Variants in BSG observed in about 807,000 individuals in gnomAD.
BSG encodes basigin.
In BSG, 37 loss-of-function variants were observed where a neutral mutation model predicts 43.1. The observed-to-expected ratio is 0.86, with a 90% CI of 0.66 to 1.13. The LOEUF (loss-of-function observed/expected upper bound fraction) is 1.13, where lower values mean the gene tolerates loss of function less well. Among genes scored for constraint, BSG ranks in the 50% most tolerant of loss-of-function variants. The probability of loss-of-function intolerance (pLI) is 0.00; values close to 1 mark genes in which losing one functional copy is unlikely to be tolerated. For synonymous variants in BSG, 309 were observed against 238.7 expected (o/e 1.29, Z -2.72); for missense variants, 599 against 554.2 (o/e 1.08, Z -0.81).
intron 1 of BSG, among the ~76,000 whole-genome samples, chr19:575,673 C>T (rs1055411440): frequency 1.3e-4 from 19 of 150,982 alleles, no homozygotes; most frequent in Admixed American, 1.2e-3. Flanking sequence ...ACAAGTACCA[C>T]GCGGCCTGCC....
upstream of BSG, chr19:571,363 A>C (rs779268621): frequency 2.3e-5 from 14 of 603,016 alleles, no homozygotes; most frequent in Non-Finnish European, 4.1e-5. Context: ...TGCGACTCCG[A>C]GTTTAACTTC....
intron 7 of BSG, 26 bp downstream of exon 7, chr19:582,356 G>A: frequency 6.3e-7 from 1 of 1,596,372 alleles, no homozygotes; most frequent in Non-Finnish European, 8.5e-7. Context: ...GGGGGTCGGG[G>A]GTCCCAAGGA....
intron 1 of BSG, among the ~76,000 whole-genome samples, chr19:577,465 C>T (rs751915930): frequency 3.5e-4 from 53 of 152,182 alleles, no homozygotes; most frequent in Non-Finnish European, 6.8e-4. Context: ...TCTGGGCAGC[C>T]CTCGGGGCTC....
rs755563121 is a variant in BSG, at chr19:579,673, G to A, written c.572+17G>A. The stretch of plus-strand genomic sequence containing the variant: ...GGAGTTCAAGTGAGTGCCTGACCAC[G>A]CCATGCCGCCACCTGCCCCTTCTCA... On this transcript the variant is annotated intron_variant, in intron 3 of 8. Transcript: ENST00000333511. The A allele has an allele frequency of 2.9e-5, 46 of 1,589,286 alleles. No individual in the cohort carries two copies. Among genetic ancestry groups the A allele is most frequent in the Non-Finnish European group, 3.6e-5 (42 of 1,167,266 alleles).
At chr19:576,231 C>A (rs1981761419) in intron 1 of BSG, among the ~76,000 whole-genome samples, 1 of 152,198 alleles carries the variant, frequency 6.6e-6, no homozygotes. Context: ...GAGTCAGGGG[C>A]CAGCCCTCTC....
Position 580,463 on chromosome 19 carries a change from T to G in BSG, c.655+2T>G. On this transcript the variant is annotated splice_donor_variant, in intron 4 of 8. Transcript: ENST00000333511. LOFTEE classifies it high-confidence loss of function. Reference sequence around the variant, plus strand: ...GCACGGCCAACATCCAGCTCCACGGTGAGTCCTGCAGCCAGGGGTACCGGG... The same window carrying G: ...GCACGGCCAACATCCAGCTCCACGGGGAGTCCTGCAGCCAGGGGTACCGGG... 1 of 1,610,282 alleles carries G rather than the reference T, an allele frequency of 6.2e-7. No homozygotes were observed. The highest frequency in any genetic ancestry group is 8.5e-7 in the Non-Finnish European group (1 of 1,179,850).
chr19:577,934 G>T lies in BSG; in HGVS notation c.228G>T (p.Leu76=). Residue 76 remains leucine, a synonymous_variant, in exon 2 of 9, where the codon CTG becomes CTT. Coordinates refer to ENST00000333511, the MANE Select transcript of BSG (RefSeq NM_001728.4). ...TCSQLWDGAR[L]DRVHIHATYH... is the part of the protein sequence containing the mutation. ...CCCAGCTCTGGGACGGCGCCCGGCT[G>T]GACCGCGTCCACATCCACGCCACCT... The T allele has an allele frequency of 6.2e-7, 1 of 1,605,772 alleles. No individual in the cohort carries two copies. The highest frequency in any genetic ancestry group is 8.5e-7 in the Non-Finnish European group (1 of 1,175,268).
chr19:581,470 C>T lies in BSG; in HGVS notation c.948C>T (p.Leu316=), dbSNP rs944325478. 4.3e-6 allele frequency: 7 copies of T among 1,609,372 alleles called. No individual in the cohort carries two copies. Among genetic ancestry groups the T allele is most frequent in the South Asian group, 3.3e-5 (3 of 90,626 alleles). ...SKGSDQAIIT[L]RVRSHLAALW... ...GCTCCGACCAGGCCATCATCACGCT[C>T]CGCGTGCGCAGCCACCTGGCCGCCC... The change falls in exon 6 of 9, where the codon CTC becomes CTT. Residue 316 remains leucine (L), a synonymous_variant. Transcript: ENST00000333511.
intron 8 of BSG, 68 bp from the exon 9 acceptor site, chr19:582,682 G>A (rs1400717298): frequency 3.9e-6 from 5 of 1,297,868 alleles, no homozygotes; most frequent in Non-Finnish European, 5.3e-6. Context: ...GCCAGGTGTG[G>A]GCTCCTGGGT....
intron 2 of BSG, 181 bp downstream of exon 2, chr19:578,302 A>C: frequency 3.5e-6 from 2 of 574,728 alleles, no homozygotes; most frequent in Non-Finnish European, 5.6e-6. Context: ...CCGCCTGACC[A>C]CCAGCGCTGG....
At chr19:579,180 G>A (rs1022493545) in intron 2 of BSG, 4 of 503,564 alleles carry the variant, frequency 7.9e-6, no homozygotes, top group South Asian at 6.2e-5. Flanking sequence ...GTGTGTCTCT[G>A]GGCAGGAACA....
chr19:580,623 CCT>C (rs1287653076), intron 4 of BSG, 21 bp from the exon 5 acceptor site: 63 of 1,612,326 alleles, frequency 3.9e-5, no homozygotes, highest in Admixed American at 8.3e-5. Context: ...GTTCCAGGCT[CCT>C]CTCTCTCACC....
chr19:576,458 C>T (rs545107557), intron 1 of BSG, among the ~76,000 whole-genome samples: 1 of 152,274 alleles, frequency 6.6e-6, no homozygotes, highest in South Asian at 2.1e-4. Context: ...GGAGGAGATC[C>T]CTTTGTGAAA....
chr19:582,289 C>T lies in BSG; in HGVS notation c.1070-17C>T, dbSNP rs764506893. On this transcript the variant is annotated splice_polypyrimidine_tract_variant and intron_variant, in intron 6 of 8. Transcript: ENST00000333511. ...TGTCCTCTCGTCCTCTTTTTCATGGCGGCGGTCCTTCTTCAGATGACGACG... is the reference window on the plus strand; with the variant it reads ...TGTCCTCTCGTCCTCTTTTTCATGGTGGCGGTCCTTCTTCAGATGACGACG... 51 of 1,604,126 alleles carry T rather than the reference C, an allele frequency of 3.2e-5. No homozygotes were observed. Among genetic ancestry groups the T allele is most frequent in the Non-Finnish European group, 4.0e-5 (47 of 1,177,972 alleles).
rs8637 is a variant in BSG, at chr19:582,775, A to G, written c.*31A>G. Reference sequence around the variant, plus strand: ...GTGGCCCGAGGACGCTCCCTGCTCCACGTCTGCGCCGCCGCCGGAGTCCAC... The same window carrying G: ...GTGGCCCGAGGACGCTCCCTGCTCCGCGTCTGCGCCGCCGCCGGAGTCCAC... On this transcript the variant is annotated 3_prime_UTR_variant, in exon 9 of 9. Transcript: ENST00000333511. 357,548 of 618,318 alleles carry G rather than the reference A, an allele frequency of 0.58. 110,455 individuals are homozygous for G. The highest frequency in any genetic ancestry group is 0.91 in the African/African-American group (49,159 of 54,170). 38.3% of individuals were successfully genotyped at this position (618,318 alleles called of 1,614,324 possible). A position where few individuals can be genotyped will look rare whatever the true frequency, so the allele number is the denominator to read the frequency against.
intron 1 of BSG, 130 bp downstream of exon 1, chr19:572,831 C>G (rs1044933044): frequency 1.5e-4 from 167 of 1,099,172 alleles, no homozygotes; most frequent in Non-Finnish European, 1.8e-4. Context: ...AGGCCGGCCC[C>G]GGGGGCTTCC....
intron 2 of BSG, chr19:578,823 C>T (rs771859930): frequency 2.6e-5 from 9 of 351,588 alleles, no homozygotes; most frequent in African/African-American, 4.3e-5. Context: ...TTCCGCCTCC[C>T]GGGTTCAAGC....
intron 1 of BSG, among the ~76,000 whole-genome samples, chr19:576,080 C>T (rs1981745511): frequency 1.3e-5 from 2 of 152,232 alleles, no homozygotes; most frequent in African/African-American, 4.8e-5. Flanking sequence ...GCGGACCCAG[C>T]GGGAGCACCG....
chr19:576,038 C>T (rs1981741941), intron 1 of BSG, among the ~76,000 whole-genome samples: 1 of 152,230 alleles, frequency 6.6e-6, no homozygotes, highest in Non-Finnish European at 1.5e-5. Flanking sequence ...CTTTTGGTCC[C>T]TTTGGGAGCG....
Sources: gnomAD v4.1 joint callset for allele counts (sites outside exome capture counted in the v4.1 genomes callset) on GRCh38, gnomAD v4.1.1 for gene constraint, MANE v1.5 for transcripts, NCBI Gene and HGNC (gene_info 2026-07-23, HGNC 2026-07-21) for gene names.